TBC1D5: variants seen among roughly 807,000 people sequenced by gnomAD.
The protein encoded by TBC1D5 is TBC1 domain family, member 5.
TBC1D5 carries 75 observed loss-of-function variants against 100.3 expected under a neutral mutation model. The ratio of observed to expected loss-of-function variants is 0.75; its 90% confidence interval spans 0.62 to 0.91. The LOEUF (loss-of-function observed/expected upper bound fraction) is 0.91. TBC1D5 is among the 40% of genes least tolerant of loss of function. The probability of loss-of-function intolerance (pLI) is 0.00; values close to 1 mark genes in which losing one functional copy is unlikely to be tolerated. For missense variants in TBC1D5, 910 were observed against 942.4 expected (o/e 0.97, Z 0.45); for synonymous variants, 323 against 325.6 (o/e 0.99, Z 0.09).
At chr3:17,388,938 A>C (rs1271323351) in intron 8 of TBC1D5, among the ~76,000 whole-genome samples, 1 of 152,082 alleles carries the variant, frequency 6.6e-6, no homozygotes, top group African/African-American at 2.4e-5. Context: ...AAAAATAATA[A>C]TCTATTAATC....
chr3:17,738,987 T>C (rs1343828512), intron 1 of TBC1D5, among the ~76,000 whole-genome samples: 1 of 152,220 alleles, frequency 6.6e-6, no homozygotes, highest in Non-Finnish European at 1.5e-5. Context: ...GATTTGTTGT[T>C]ACACTGACAT....
At chr3:17,533,736 C>A (rs187729936) in intron 2 of TBC1D5, among the ~76,000 whole-genome samples, 19 of 151,114 alleles carry the variant, frequency 1.3e-4, no homozygotes, top group African/African-American at 4.2e-4. Context: ...CTCTAACAAT[C>A]GTTCTGGATT....
chr3:17,475,112 A>G (rs1213494625), intron 3 of TBC1D5, among the ~76,000 whole-genome samples: 3 of 152,206 alleles, frequency 2.0e-5, no homozygotes, highest in South Asian at 2.1e-4. Flanking sequence ...TTTGGATATT[A>G]AAGATATCAA....
Position 17,280,462 on chromosome 3 carries a change from A to G in TBC1D5, c.1245+11433T>C, listed in dbSNP as rs569665381. On this transcript the variant is annotated intron_variant, in intron 15 of 21. Transcript: ENST00000253692. ...CACTCCTCATCCCATGCCAATAAAA[A>G]ACCCTATACCCATAAAAACCCCAGG... Among the ~76,000 whole-genome samples the G allele has an allele frequency of 1.0e-3, 159 of 152,162 alleles. 1 individual carries two copies. Among genetic ancestry groups the G allele is most frequent in the African/African-American group, 3.7e-3 (154 of 41,510 alleles).
chr3:17,465,947 G>C (rs2150031740), intron 3 of TBC1D5, among the ~76,000 whole-genome samples: 1 of 152,296 alleles, frequency 6.6e-6, no homozygotes. Context: ...CCTTCTGCTA[G>C]GCCCAATAGG....
At chr3:17,614,668 T>C (rs1341024760) in intron 2 of TBC1D5, among the ~76,000 whole-genome samples, 1 of 152,214 alleles carries the variant, frequency 6.6e-6, no homozygotes, top group Non-Finnish European at 1.5e-5. Context: ...GGGAGTTCAC[T>C]CATGATTTGG....
At position 17,639,469 on chromosome 3, in the gene TBC1D5, A is replaced by T. The variant is rs142966240; in HGVS notation, c.-100-15556T>A. 7.9e-5 allele frequency among the ~76,000 whole-genome samples: 12 copies of T among 151,930 alleles called. No homozygotes were observed. In the East Asian group the frequency reaches 2.3e-3, roughly 29 times the overall value. ...GGTGACAGCCACACAATTTGGTTAA[A>T]AAAAAAAAAAACTATGAATTGTACA... On this transcript the variant is annotated intron_variant, in intron 1 of 21. Coordinates refer to ENST00000253692, the Ensembl canonical transcript of TBC1D5.
chr3:17,502,093 CT>C (rs1343372547), intron 3 of TBC1D5, among the ~76,000 whole-genome samples: 1 of 149,530 alleles, frequency 6.7e-6, no homozygotes, highest in Non-Finnish European at 1.5e-5. Flanking sequence ...GTCCCTCTTC[CT>C]GTCTTTGCTC....
chr3:17,374,711 G>A, intron 10 of TBC1D5, 32 bp from the exon 11 acceptor site: 1 of 1,601,106 alleles, frequency 6.2e-7, no homozygotes, highest in South Asian at 1.1e-5. Context: ...ATCAAAATGT[G>A]TAATTTTTGA....
At chr3:17,618,293 G>A (rs557487018) in intron 2 of TBC1D5, among the ~76,000 whole-genome samples, 10 of 152,246 alleles carry the variant, frequency 6.6e-5, no homozygotes, top group Admixed American at 2.0e-4. Flanking sequence ...AGGGGCACCC[G>A]CCTGTATGAG....
At chr3:17,713,181 C>T (rs1453282747) in intron 1 of TBC1D5, among the ~76,000 whole-genome samples, 1 of 151,442 alleles carries the variant, frequency 6.6e-6, no homozygotes, top group Non-Finnish European at 1.5e-5. Flanking sequence ...TAAATAACAA[C>T]AGAAAAAATA....
Position 17,372,031 on chromosome 3 carries a change from T to A in TBC1D5, c.995+44A>T. The A allele has an allele frequency of 4.2e-6, 3 of 707,442 alleles. No homozygotes were observed. The South Asian group carries it at 5.6e-5, about 13-fold the overall frequency. 43.8% of individuals were successfully genotyped at this position (707,442 alleles called of 1,614,324 possible). ...TAGCATGGGTGAAAGATGGAGACTC[T>A]GTCTCAAAAAACAAACAAACAAACA... On this transcript the variant is annotated intron_variant, in intron 13 of 21. Coordinates refer to ENST00000253692, the Ensembl canonical transcript of TBC1D5.
Position 17,460,553 on chromosome 3 carries a change from C to T in TBC1D5, c.98-32034G>A, listed in dbSNP as rs150515382. On this transcript the variant is annotated intron_variant, in intron 3 of 21. Transcript: ENST00000253692. ...GAAGTTCTTAATCTGGCCTCTCAGC[C>T]ATTTTTCCCCTTTAACATGATCATT... is the stretch of plus-strand genomic sequence containing the variant. Among the ~76,000 whole-genome samples, 521 of 152,224 alleles carry T rather than the reference C, an allele frequency of 3.4e-3. 4 individuals carry two copies. Among genetic ancestry groups the T allele is most frequent in the African/African-American group, 0.011 (474 of 41,540 alleles).
chr3:17,405,903 T>C (rs924150466), intron 5 of TBC1D5, among the ~76,000 whole-genome samples: 1 of 152,076 alleles, frequency 6.6e-6, no homozygotes, highest in Non-Finnish European at 1.5e-5. Context: ...TATAGATTAT[T>C]ATTACTAGTT....
rs142693620 is a variant in TBC1D5, at chr3:17,493,184, G to C, written c.97+15290C>G. Among the ~76,000 whole-genome samples, 642 of 152,018 alleles carry C rather than the reference G, an allele frequency of 4.2e-3. 4 individuals carry two copies. Among genetic ancestry groups the C allele is most frequent in the African/African-American group, 0.015 (616 of 41,472 alleles). ...CTGAAAAGGATTTAATTTCTCCTTT[G>C]CTTATGAAGCTCAGTTTGGCCAGAT... On this transcript the variant is annotated intron_variant, in intron 3 of 21. Coordinates refer to ENST00000253692, the Ensembl canonical transcript of TBC1D5.
At chr3:17,558,185 C>T (rs2096534616) in intron 2 of TBC1D5, among the ~76,000 whole-genome samples, 1 of 152,140 alleles carries the variant, frequency 6.6e-6, no homozygotes, top group African/African-American at 2.4e-5. Context: ...AATAAAATCA[C>T]AATCCTATCC....
intron 1 of TBC1D5, among the ~76,000 whole-genome samples, chr3:17,687,861 T>C (rs2070537954): frequency 6.6e-6 from 1 of 152,196 alleles, no homozygotes; most frequent in Admixed American, 6.5e-5. Context: ...ACTGTCAATA[T>C]ACTCAGCTAT....
At chr3:17,656,947 G>A (rs1412782473) in intron 1 of TBC1D5, among the ~76,000 whole-genome samples, 1 of 152,094 alleles carries the variant, frequency 6.6e-6, no homozygotes, top group Admixed American at 6.5e-5. Flanking sequence ...CTCTCCAAAG[G>A]TGTCATGGGA....
At chr3:17,260,056 G>C (rs543893063) in intron 15 of TBC1D5, among the ~76,000 whole-genome samples, 1 of 152,208 alleles carries the variant, frequency 6.6e-6, no homozygotes, top group Admixed American at 6.5e-5. Flanking sequence ...AATTACATAG[G>C]TTTTCTCATG....
Sources: gnomAD v4.1 joint callset for allele counts (sites outside exome capture counted in the v4.1 genomes callset) on GRCh38, gnomAD v4.1.1 for gene constraint, MANE v1.5 for transcripts, NCBI Gene and HGNC (gene_info 2026-07-23, HGNC 2026-07-21) for gene names.